Variants in SYNJ2BP observed in about 807,000 individuals in gnomAD.
SYNJ2BP encodes the protein synaptojanin-2-binding protein.
A neutral mutation model predicts 16.9 loss-of-function variants in SYNJ2BP; 10 were observed. The ratio of observed to expected loss-of-function variants is 0.59; its 90% CI spans 0.36 to 1.00. The LOEUF is 1.00. Ranked by LOEUF, SYNJ2BP falls within the 50% of genes least tolerant of loss-of-function variation. The pLI is 0.01. For missense variants in SYNJ2BP, 162 were observed against 186.7 expected, an observed-to-expected ratio of 0.87 and a Z score of 0.77; for synonymous variants, 54 against 68.4, an observed-to-expected ratio of 0.79 and a Z score of 1.04.
At chr14:70,395,508 G>A (rs1566620636) in intron 1 of SYNJ2BP, among the ~76,000 whole-genome samples, 1 of 148,602 alleles carries the variant, frequency 6.7e-6, no homozygotes. Flanking sequence ...GAAGACTAGA[G>A]TAACAAACAC....
At chr14:70,398,862 C>A (rs777476379) in intron 1 of SYNJ2BP, among the ~76,000 whole-genome samples, 6 of 152,152 alleles carry the variant, frequency 3.9e-5, no homozygotes, top group Non-Finnish European at 5.9e-5. Flanking sequence ...CCTGCTGTCG[C>A]CCTGGCGCTG....
chr14:70,395,735 C>G (rs1888075780), intron 1 of SYNJ2BP, among the ~76,000 whole-genome samples: 1 of 152,194 alleles, frequency 6.6e-6, no homozygotes, highest in African/African-American at 2.4e-5. Flanking sequence ...CCACCTATAT[C>G]TGGAACTTTT....
At chr14:70,393,269 T>G (rs1045125103) in intron 1 of SYNJ2BP, among the ~76,000 whole-genome samples, 6 of 152,188 alleles carry the variant, frequency 3.9e-5, no homozygotes, top group African/African-American at 1.4e-4. Flanking sequence ...CTCATGCCAA[T>G]TGGAATGGCG....
chr14:70,416,787 C>G, intron 1 of SYNJ2BP, 113 bp downstream of exon 1: 6 of 1,533,190 alleles, frequency 3.9e-6, no homozygotes, highest in Non-Finnish European at 3.6e-6. Flanking sequence ...CACGAAACCT[C>G]TAGGTTGTGG....
chr14:70,395,555 T>A (rs1416850422), intron 1 of SYNJ2BP, among the ~76,000 whole-genome samples: 2 of 152,140 alleles, frequency 1.3e-5, no homozygotes, highest in African/African-American at 2.4e-5. Context: ...TCAATCCGAC[T>A]AATTTTCTCC....
chr14:70,410,856 T>C (rs1050348153), intron 1 of SYNJ2BP, among the ~76,000 whole-genome samples: 5 of 152,040 alleles, frequency 3.3e-5, no homozygotes, highest in African/African-American at 1.2e-4. Flanking sequence ...TGGGGCCTAC[T>C]TAGGGTGGAG....
intron 2 of SYNJ2BP, among the ~76,000 whole-genome samples, chr14:70,378,424 CTTTTTTT>C (rs34309608): frequency 9.1e-6 from 1 of 110,132 alleles, no homozygotes; most frequent in Non-Finnish European, 1.8e-5. Flanking sequence ...TTCCTTCAAA[CTTTTTTT>C]TTTTTTTTTT....
chr14:70,388,284 G>A (rs935561512), intron 2 of SYNJ2BP, among the ~76,000 whole-genome samples, 186 bp downstream of exon 2: 1 of 152,200 alleles, frequency 6.6e-6, no homozygotes, highest in African/African-American at 2.4e-5. Flanking sequence ...TATCAGGTGA[G>A]CATAATGTTG....
chr14:70,394,879 T>C (rs756736303), intron 1 of SYNJ2BP, among the ~76,000 whole-genome samples: 5 of 152,212 alleles, frequency 3.3e-5, no homozygotes, highest in Admixed American at 6.5e-5. Context: ...AGGTGAGGCA[T>C]GGACAGGTTA....
intron 1 of SYNJ2BP, among the ~76,000 whole-genome samples, chr14:70,403,819 G>A (rs1290091377): frequency 3.9e-5 from 6 of 151,996 alleles, no homozygotes; most frequent in African/African-American, 1.5e-4. Context: ...TCTTTCTTGC[G>A]TGAGATCCAA....
chr14:70,385,459 C>T (rs1433116375), intron 2 of SYNJ2BP, among the ~76,000 whole-genome samples: 4 of 152,146 alleles, frequency 2.6e-5, no homozygotes, highest in African/African-American at 7.2e-5. Context: ...CAGGTTCAAG[C>T]GATTCTCGTG....
In SYNJ2BP at chr14:70,388,470, C is replaced by A. The variant is rs780920609; in HGVS notation, c.201G>T (p.Ser67=). The change falls in exon 2 of 4, where the codon TCG becomes TCT. Residue 67 remains serine, a splice_region_variant and synonymous_variant. Coordinates refer to ENST00000256366, the MANE Select transcript of SYNJ2BP (RefSeq NM_018373.3). ...GAAGGAGGCCGAAGCCCATTCTCAC[C>A]GAAAGGATCTTATCACCCTCCTGGA... ...GRLQEGDKIL[S]VNGQDLKNLL... 7 of 1,559,632 alleles carry A rather than the reference C, an allele frequency of 4.5e-6. No individual in the cohort carries two copies. Among genetic ancestry groups the A allele is most frequent in the Non-Finnish European group, 6.1e-6 (7 of 1,154,760 alleles).
chr14:70,416,312 A>C (rs375840470), intron 1 of SYNJ2BP, among the ~76,000 whole-genome samples: 5,454 of 120,224 alleles, frequency 0.045, 115 homozygotes, highest in Middle Eastern at 0.1. Flanking sequence ...TTAACTTTTT[A>C]TTTTCTTTTT....
chr14:70,413,182 T>C (rs1404824194), intron 1 of SYNJ2BP, among the ~76,000 whole-genome samples: 1 of 152,106 alleles, frequency 6.6e-6, no homozygotes, highest in Admixed American at 6.5e-5. Flanking sequence ...TAAAATAACA[T>C]AAATAATCAT....
At chr14:70,412,249 G>A (rs1347858911) in intron 1 of SYNJ2BP, among the ~76,000 whole-genome samples, 1 of 152,120 alleles carries the variant, frequency 6.6e-6, no homozygotes, top group Admixed American at 6.6e-5. Flanking sequence ...TCAGGGGAAA[G>A]GTTGGCAGTC....
intron 1 of SYNJ2BP, among the ~76,000 whole-genome samples, chr14:70,390,553 A>G (rs1325948206): frequency 1.3e-5 from 2 of 152,114 alleles, no homozygotes; most frequent in Non-Finnish European, 2.9e-5. Context: ...CTGTAGTCCC[A>G]GCTACTCGGG....
At chr14:70,396,254 A>G (rs951832561) in intron 1 of SYNJ2BP, among the ~76,000 whole-genome samples, 1 of 152,098 alleles carries the variant, frequency 6.6e-6, no homozygotes, top group African/African-American at 2.4e-5. Context: ...AGTAACTGGG[A>G]TTACAAGCGC....
intron 1 of SYNJ2BP, among the ~76,000 whole-genome samples, chr14:70,411,674 C>CA: frequency 6.6e-6 from 1 of 152,328 alleles, no homozygotes; most frequent in East Asian, 1.9e-4. Context: ...AGCCTAAAGC[C>CA]TGTCCATTCC....
At chr14:70,403,832 AC>A (rs774807362) in intron 1 of SYNJ2BP, among the ~76,000 whole-genome samples, 3 of 152,100 alleles carry the variant, frequency 2.0e-5, no homozygotes, top group Non-Finnish European at 4.4e-5. Context: ...AGATCCAAGA[AC>A]CCTCTCTTCG....
Sources: allele counts gnomAD v4.1 joint callset (sites outside exome capture counted in the v4.1 genomes callset), GRCh38; gene constraint gnomAD v4.1.1; transcripts MANE v1.5; gene names NCBI Gene and HGNC (gene_info 2026-07-23, HGNC 2026-07-21).